DTNA: variants seen among roughly 807,000 people sequenced by gnomAD.
DTNA encodes dystrobrevin alpha.
In DTNA, 43 loss-of-function variants were observed where a neutral mutation model predicts 100.7. That is an observed-to-expected ratio of 0.43 (90% CI 0.33 to 0.55). The LOEUF (loss-of-function observed/expected upper bound fraction) is 0.55. DTNA is among the 20% of genes least tolerant of loss of function. DTNA has a pLI of 0.04. For missense variants in DTNA, 798 were observed against 953.9 expected (o/e 0.84, Z 2.15); for synonymous variants, 349 against 347.9 (o/e 1.00, Z -0.04).
At chr18:34,576,896 C>T (rs1183170325) in intron 1 of DTNA, among the ~76,000 whole-genome samples, 2 of 152,136 alleles carry the variant, frequency 1.3e-5, no homozygotes, top group East Asian at 3.9e-4. Flanking sequence ...TGGCGGTCAG[C>T]AAACTGTGCT....
chr18:34,794,479 G>T (rs546608244), intron 4 of DTNA, among the ~76,000 whole-genome samples: 1 of 152,118 alleles, frequency 6.6e-6, no homozygotes, highest in African/African-American at 2.4e-5. Flanking sequence ...GAGGACAATT[G>T]TATTTTATGT....
intron 1 of DTNA, among the ~76,000 whole-genome samples, chr18:34,498,477 TAATA>T (rs2039530022): frequency 7.0e-6 from 1 of 142,664 alleles, no homozygotes; most frequent in Non-Finnish European, 1.5e-5. Flanking sequence ...ATAATAATAA[TAATA>T]ATTTAATCAC....
intron 1 of DTNA, among the ~76,000 whole-genome samples, chr18:34,745,896 A>G (rs2091490621): frequency 6.6e-6 from 1 of 152,204 alleles, no homozygotes; most frequent in Non-Finnish European, 1.5e-5. Flanking sequence ...AGCTCATTAA[A>G]GGGTCTAAAA....
At position 34,493,576 on chromosome 18, in the gene DTNA, G is replaced by A. The variant is rs112193831; in HGVS notation, c.-2+62G>A. ...AGTGGGGGAGGGCGCGGGGGTGGAG[G>A]GGGTCCGTGTGCCGGGCGAGGAGTG... On this transcript the variant is annotated intron_variant, in intron 1 of 19. Transcript: ENST00000283365. The A allele has an allele frequency of 0.11, 15,994 of 151,202 alleles. 1,101 individuals carry two copies. Among genetic ancestry groups the A allele is most frequent in the East Asian group, 0.2 (980 of 5,012 alleles). 9.4% of individuals were successfully genotyped at this position (151,202 alleles called of 1,614,324 possible).
rs140827580 is a variant in DTNA, at chr18:34,517,363, G to A, written c.-2+23849G>A. On this transcript the variant is annotated intron_variant, in intron 1 of 19. Transcript: ENST00000283365. ...AACTTGTCACCCAATTTACCCAATG[G>A]TAACAGCTTGCAAAACTGTAATAAA... Among the ~76,000 whole-genome samples the A allele has an allele frequency of 2.5e-3, 382 of 152,044 alleles. 1 individual carries two copies. Among genetic ancestry groups the A allele is most frequent in the African/African-American group, 8.9e-3 (368 of 41,492 alleles).
intron 1 of DTNA, among the ~76,000 whole-genome samples, chr18:34,718,193 T>G (rs1276258068): frequency 6.6e-6 from 1 of 152,132 alleles, no homozygotes; most frequent in Non-Finnish European, 1.5e-5. Flanking sequence ...ACATAAATCA[T>G]CCTCTTGGAA....
At chr18:34,496,475 G>A (rs1266387901) in intron 1 of DTNA, among the ~76,000 whole-genome samples, 1 of 152,088 alleles carries the variant, frequency 6.6e-6, no homozygotes, top group East Asian at 1.9e-4. Context: ...TTATTTTAGA[G>A]ACAGCTTGCT....
At chr18:34,555,270 T>G (rs1017537675) in intron 1 of DTNA, among the ~76,000 whole-genome samples, 5 of 147,978 alleles carry the variant, frequency 3.4e-5, no homozygotes, top group South Asian at 2.1e-4. Context: ...CTCTCTTTTT[T>G]TCTTTATTAG....
chr18:34,615,669 A>C (rs1343393367), intron 1 of DTNA, among the ~76,000 whole-genome samples: 1 of 152,172 alleles, frequency 6.6e-6, no homozygotes, highest in Non-Finnish European at 1.5e-5. Context: ...TGTAATAAGC[A>C]TAGTAATAAG....
intron 1 of DTNA, among the ~76,000 whole-genome samples, chr18:34,530,195 C>G (rs1168016574): frequency 6.6e-6 from 1 of 152,080 alleles, no homozygotes; most frequent in Non-Finnish European, 1.5e-5. Flanking sequence ...AGTGGTCAGT[C>G]AAGGCTGATT....
intron 1 of DTNA, among the ~76,000 whole-genome samples, chr18:34,693,524 G>T (rs1173560068): frequency 1.3e-5 from 2 of 152,130 alleles, no homozygotes; most frequent in African/African-American, 4.8e-5. Context: ...ATATTCTTGA[G>T]TTTATTTTCC....
chr18:34,747,525 C>T (rs939502837), intron 1 of DTNA, among the ~76,000 whole-genome samples: 5 of 152,024 alleles, frequency 3.3e-5, no homozygotes, highest in African/African-American at 1.2e-4. Context: ...CCCCAAAGTC[C>T]ATTATGTCGT....
chr18:34,694,079 A>C (rs530069350), intron 1 of DTNA, among the ~76,000 whole-genome samples: 1 of 152,090 alleles, frequency 6.6e-6, no homozygotes, highest in South Asian at 2.1e-4. Context: ...ATCTCAGTAC[A>C]TATCTACACT....
chr18:34,643,531 G>A (rs185777945), intron 1 of DTNA, among the ~76,000 whole-genome samples: 11 of 152,252 alleles, frequency 7.2e-5, no homozygotes, highest in African/African-American at 2.2e-4. Context: ...ATGATTTTCA[G>A]GAAATCTGTT....
chr18:34,578,687 C>T (rs895010845), intron 1 of DTNA, among the ~76,000 whole-genome samples: 1 of 152,128 alleles, frequency 6.6e-6, no homozygotes, highest in African/African-American at 2.4e-5. Flanking sequence ...CTACATGTGG[C>T]TTGCCAATTA....
chr18:34,715,114 G>C (rs951361783), intron 1 of DTNA, among the ~76,000 whole-genome samples: 1 of 151,250 alleles, frequency 6.6e-6, no homozygotes, highest in African/African-American at 2.4e-5. Flanking sequence ...GCTAGATGAC[G>C]AGTTAGTGGG....
At chr18:34,636,440 A>T (rs1014015494) in intron 1 of DTNA, among the ~76,000 whole-genome samples, 5 of 152,200 alleles carry the variant, frequency 3.3e-5, no homozygotes, top group Non-Finnish European at 7.3e-5. Context: ...AGTAATTTTT[A>T]ATGTTTCATC....
chr18:34,774,090 T>TTTC (rs2093920435), intron 3 of DTNA, among the ~76,000 whole-genome samples: 1 of 152,264 alleles, frequency 6.6e-6, no homozygotes, highest in Admixed American at 6.5e-5. Flanking sequence ...CTAAGCACTT[T>TTTC]TACTTTCACA....
Position 34,890,360 on chromosome 18 carries a change from CGT to C in DTNA, c.*2631_*2632del, listed in dbSNP as rs2087356868. The C allele has an allele frequency of 6.5e-7, 1 of 1,536,072 alleles. No homozygotes were observed. Among genetic ancestry groups the C allele is most frequent in the Non-Finnish European group, 8.7e-7 (1 of 1,146,894 alleles). On this transcript the variant is annotated 3_prime_UTR_variant, in exon 23 of 23. Coordinates refer to ENST00000444659, the MANE Select transcript of DTNA (RefSeq NM_001386795.1). ...CTGTCCTGTAAGCGAGACAAAATGG[CGT>C]GTGTTATTTTGGGGTTTTGTGTTTT...
Sources: allele counts gnomAD v4.1 joint callset (sites outside exome capture counted in the v4.1 genomes callset), GRCh38; gene constraint gnomAD v4.1.1; transcripts MANE v1.5; gene names NCBI Gene and HGNC (gene_info 2026-07-23, HGNC 2026-07-21).